ZNRF3: variants seen among roughly 807,000 people sequenced by gnomAD.
ZNRF3 encodes zinc and ring finger 3.
Under a neutral mutation model 72.5 loss-of-function variants are expected in ZNRF3, and 23 were observed. That is an observed-to-expected ratio of 0.32 (90% confidence interval 0.23 to 0.45). The LOEUF (loss-of-function observed/expected upper bound fraction) is 0.45, where lower values mean the gene tolerates loss of function less well. Ranked by LOEUF, ZNRF3 falls within the 20% of genes least tolerant of loss-of-function variation. The pLI is 1.00. For missense variants in ZNRF3, 1,169 were observed against 1,272.1 expected (o/e 0.92, Z 1.23); for synonymous variants, 610 against 545.3 (o/e 1.12, Z -1.65).
chr22:28,963,953 G>C (rs2035411925), intron 1 of ZNRF3, among the ~76,000 whole-genome samples: 1 of 152,154 alleles, frequency 6.6e-6, no homozygotes, highest in Non-Finnish European at 1.5e-5. Flanking sequence ...AAAAAGAAAA[G>C]AAAGAAGAAG....
chr22:29,019,926 C>T (rs935200014), intron 2 of ZNRF3, among the ~76,000 whole-genome samples: 16 of 152,024 alleles, frequency 1.1e-4, no homozygotes, highest in Non-Finnish European at 2.2e-4. Context: ...GTATGCACCC[C>T]ACCCCACCCC....
chr22:28,970,649 T>C (rs770778813), intron 1 of ZNRF3, among the ~76,000 whole-genome samples: 1 of 152,210 alleles, frequency 6.6e-6, no homozygotes, highest in Non-Finnish European at 1.5e-5. Flanking sequence ...GGTTCACCCA[T>C]ACAGTGGACC....
intron 1 of ZNRF3, among the ~76,000 whole-genome samples, chr22:28,952,158 C>T (rs1226209084): frequency 6.6e-6 from 1 of 152,248 alleles, no homozygotes; most frequent in East Asian, 1.9e-4. Flanking sequence ...CTCAGGGCCC[C>T]AAAACATTAC....
chr22:28,974,250 G>A (rs545302618), intron 1 of ZNRF3, among the ~76,000 whole-genome samples: 4 of 151,966 alleles, frequency 2.6e-5, no homozygotes, highest in African/African-American at 9.7e-5. Flanking sequence ...CATGAGCCAC[G>A]ATGCCTGGCT....
At chr22:28,924,165 G>A (rs2123771845) in intron 1 of ZNRF3, among the ~76,000 whole-genome samples, 2 of 152,346 alleles carry the variant, frequency 1.3e-5, no homozygotes, top group Admixed American at 1.3e-4. Context: ...TTTGTTTAGT[G>A]AGGTGAAGCA....
At position 29,048,309 on chromosome 22, in the gene ZNRF3, C is replaced by T; in HGVS notation, c.913-80C>T. 8.3e-7 allele frequency: 1 copy of T among 1,202,106 alleles called. No individual in the cohort carries two copies. Among genetic ancestry groups the T allele is most frequent in the East Asian group, 2.4e-5 (1 of 41,842 alleles). The allele number at this position is 1,202,106 out of a possible 1,614,324, so 74.5% of individuals were successfully genotyped here. A position where few individuals can be genotyped will look rare whatever the true frequency, so the allele number is the denominator to read the frequency against. ...GGGCACGGGCATGCTGTGCAGAACT[C>T]CTTGGTCTATGCTGGACTCTGCAGG... On this transcript the variant is annotated intron_variant, in intron 6 of 8. Coordinates refer to ENST00000544604, the MANE Select transcript of ZNRF3 (RefSeq NM_001206998.2). The surrounding 1 kb of genome is among the most constrained non-coding windows in gnomAD (Gnocchi z 4.9).
rs1569295113 is a variant in ZNRF3, at chr22:29,046,763, C to T, written c.792C>T (p.Thr264=). 6.2e-7 allele frequency: 1 copy of T among 1,611,852 alleles called. No individual in the cohort carries two copies. Among genetic ancestry groups the T allele is most frequent in the East Asian group, 2.2e-5 (1 of 44,832 alleles). The change falls in exon 6 of 9, where the codon ACC becomes ACT. Residue 264 remains threonine (T), a synonymous_variant. Transcript: ENST00000544604. ...TGCAGGCTCTAGAGAAGATGGAAACCAGAAAGTTCAACTCCAAGAGCAAGG... is the reference window on the plus strand; with the variant it reads ...TGCAGGCTCTAGAGAAGATGGAAACTAGAAAGTTCAACTCCAAGAGCAAGG... ...LAVQALEKME[T]RKFNSKSKGR...
Position 29,046,811 on chromosome 22 carries a change from G to C in ZNRF3, c.840G>C (p.Gly280=). 1 of 1,611,592 alleles carries C rather than the reference G, an allele frequency of 6.2e-7. No individual in the cohort carries two copies. The highest frequency in any genetic ancestry group is 8.5e-7 in the Non-Finnish European group (1 of 1,178,822). ...AGGGGCGCCGGGAGGGGAGCTGTGG[G>C]GCCCTGGACACACTCAGCAGCAGCT... ...KSKGRREGSC[G]ALDTLSSSST... Residue 280 remains glycine (G), a synonymous_variant, in exon 6 of 9, where the codon GGG becomes GGC. Transcript: ENST00000544604.
Position 28,884,009 on chromosome 22 carries a change from C to A in ZNRF3, c.243C>A (p.Leu81=). The change falls in exon 1 of 9, where the codon CTC becomes CTA. Residue 81 remains leucine, a synonymous_variant. Transcript: ENST00000544604. Reference sequence around the variant, plus strand: ...ATTACACCACCTACACCACCGGCCTCACGGGCCGCTTCTCGCGGGCCGGGG... The same window carrying A: ...ATTACACCACCTACACCACCGGCCTAACGGGCCGCTTCTCGCGGGCCGGGG... ...SGDYTTYTTG[L]TGRFSRAGAT... is the part of the protein sequence containing the mutation. 7.6e-7 allele frequency: 1 copy of A among 1,322,846 alleles called. No homozygotes were observed. Among genetic ancestry groups the A allele is most frequent in the Non-Finnish European group, 9.8e-7 (1 of 1,019,308 alleles). 81.9% of individuals were successfully genotyped at this position (1,322,846 alleles called of 1,614,324 possible).
chr22:28,996,561 G>T (rs2036048827), intron 2 of ZNRF3, among the ~76,000 whole-genome samples: 1 of 152,152 alleles, frequency 6.6e-6, no homozygotes, highest in African/African-American at 2.4e-5. Flanking sequence ...AGCTTAGCTG[G>T]GTTAGAGAAA....
intron 2 of ZNRF3, among the ~76,000 whole-genome samples, chr22:29,039,217 C>A (rs1264795884): frequency 6.6e-6 from 1 of 152,150 alleles, no homozygotes; most frequent in African/African-American, 2.4e-5. Context: ...ACGTTCCGGG[C>A]GGAGCAGGGA....
chr22:28,958,119 C>G (rs550625938), intron 1 of ZNRF3, among the ~76,000 whole-genome samples: 1 of 152,294 alleles, frequency 6.6e-6, no homozygotes, highest in African/African-American at 2.4e-5. Flanking sequence ...ACCCAGGAGG[C>G]AGAGTTTGCA....
chr22:28,918,012 A>T (rs1450852877), intron 1 of ZNRF3, among the ~76,000 whole-genome samples: 1 of 152,136 alleles, frequency 6.6e-6, no homozygotes, highest in East Asian at 1.9e-4. Context: ...GATCCTTTGA[A>T]CCTCTAGCCT....
intron 2 of ZNRF3, among the ~76,000 whole-genome samples, chr22:28,998,970 G>T (rs2036094379): frequency 6.6e-6 from 1 of 151,990 alleles, no homozygotes; most frequent in South Asian, 2.1e-4. Flanking sequence ...CACAAATGAG[G>T]CTAAATCAGA....
intron 2 of ZNRF3, among the ~76,000 whole-genome samples, chr22:29,015,846 C>T (rs370978296): frequency 4.0e-5 from 6 of 151,008 alleles, no homozygotes; most frequent in Admixed American, 1.3e-4. Context: ...GGTGAAACCC[C>T]GTCTCTACTA....
chr22:28,901,932 CTTTTTTT>C (rs398036773), intron 1 of ZNRF3, among the ~76,000 whole-genome samples: 17 of 112,960 alleles, frequency 1.5e-4, no homozygotes, highest in East Asian at 3.2e-4. Context: ...TTTAAGTTAA[CTTTTTTT>C]TTTTTTTTTT....
intron 2 of ZNRF3, among the ~76,000 whole-genome samples, 170 bp from the exon 3 acceptor site, chr22:29,042,322 CCTT>C (rs1469278146): frequency 6.6e-6 from 1 of 152,186 alleles, no homozygotes; most frequent in Non-Finnish European, 1.5e-5. Context: ...TCATCAGTCC[CCTT>C]CTTTATAGAT....
intron 2 of ZNRF3, among the ~76,000 whole-genome samples, chr22:29,006,894 C>T (rs1569278938): frequency 6.6e-6 from 1 of 152,184 alleles, no homozygotes; most frequent in Non-Finnish European, 1.5e-5. Context: ...CCCAAAGATG[C>T]TTTTCTGTTA....
At chr22:28,977,803 A>G (rs1442277048) in intron 1 of ZNRF3, among the ~76,000 whole-genome samples, 2 of 152,222 alleles carry the variant, frequency 1.3e-5, no homozygotes, top group African/African-American at 4.8e-5. Context: ...TAAAAGCACC[A>G]CTAGCCCTAG....
Sources: gnomAD v4.1 joint callset for allele counts (sites outside exome capture counted in the v4.1 genomes callset) on GRCh38, gnomAD v4.1.1 for gene constraint, Gnocchi (gnomAD v3.1) non-coding constraint, MANE v1.5 for transcripts, NCBI Gene and HGNC (gene_info 2026-07-23, HGNC 2026-07-21) for gene names.